The following NUBPL variants were observed in gnomAD, a reference collection of about 807,000 sequenced individuals.
The protein encoded by NUBPL is iron-sulfur cluster transfer protein NUBPL.
In NUBPL, 31 loss-of-function variants were observed where a neutral mutation model predicts 45.7. The observed-to-expected ratio is 0.68, with a 90% CI of 0.51 to 0.92. The LOEUF is 0.92. Ranked by LOEUF, NUBPL falls within the 40% of genes least tolerant of loss-of-function variation. NUBPL has a pLI of 0.00. For synonymous variants in NUBPL, 144 were observed against 140.9 expected (o/e 1.02, Z -0.15); for missense variants, 401 against 398.7 (o/e 1.01, Z -0.05).
At chr14:31,790,630 T>C (rs886201317) in intron 7 of NUBPL, among the ~76,000 whole-genome samples, 4 of 151,908 alleles carry the variant, frequency 2.6e-5, no homozygotes, top group African/African-American at 9.7e-5. Flanking sequence ...GGCAGGCAGA[T>C]CACGAGGTCA....
At chr14:31,715,286 C>T (rs2037662402) in intron 6 of NUBPL, among the ~76,000 whole-genome samples, 1 of 152,094 alleles carries the variant, frequency 6.6e-6, no homozygotes, top group Non-Finnish European at 1.5e-5. Flanking sequence ...AATATCAGTC[C>T]TTAACATGGG....
chr14:31,662,566 C>T (rs372102796), intron 4 of NUBPL, among the ~76,000 whole-genome samples: 181 of 152,154 alleles, frequency 1.2e-3, no homozygotes, highest in African/African-American at 3.2e-3. Context: ...TGAGAACATG[C>T]GGTGTTTGGT....
chr14:31,755,755 A>G (rs578079702), intron 6 of NUBPL, among the ~76,000 whole-genome samples: 7 of 151,888 alleles, frequency 4.6e-5, no homozygotes, highest in Admixed American at 2.0e-4. Context: ...TCGGTGTTTT[A>G]GACATGAAGT....
intron 3 of NUBPL, among the ~76,000 whole-genome samples, chr14:31,566,971 CTT>C (rs2033452309): frequency 6.6e-6 from 1 of 152,124 alleles, no homozygotes; most frequent in South Asian, 2.1e-4. Context: ...ATTGAGATCT[CTT>C]TGGACTTCTG....
At chr14:31,771,759 A>G (rs2039013565) in intron 6 of NUBPL, 1 of 367,466 alleles carries the variant, frequency 2.7e-6, no homozygotes, top group African/African-American at 2.2e-5. Context: ...GCTCTCAATA[A>G]CTATTAATTT....
intron 3 of NUBPL, among the ~76,000 whole-genome samples, chr14:31,565,575 A>G (rs140208123): frequency 3.9e-5 from 6 of 152,274 alleles, no homozygotes; most frequent in African/African-American, 1.2e-4. Flanking sequence ...GTGTGCATAC[A>G]TCTTTCCATG....
intron 6 of NUBPL, among the ~76,000 whole-genome samples, chr14:31,776,977 A>G (rs994386569): frequency 6.6e-6 from 1 of 152,226 alleles, no homozygotes; most frequent in African/African-American, 2.4e-5. Flanking sequence ...CTCAGATTTT[A>G]TAGCAAAAGT....
chr14:31,580,407 C>T (rs942264034), intron 3 of NUBPL, among the ~76,000 whole-genome samples: 1 of 152,136 alleles, frequency 6.6e-6, no homozygotes, highest in African/African-American at 2.4e-5. Context: ...AGAATTACTT[C>T]AGGCCTGGAC....
chr14:31,719,863 A>G (rs901124774), intron 6 of NUBPL, among the ~76,000 whole-genome samples: 2 of 152,148 alleles, frequency 1.3e-5, no homozygotes, highest in African/African-American at 4.8e-5. Flanking sequence ...GCTGCTTTTT[A>G]GCCAACTTAC....
At chr14:31,584,110 G>C (rs1171122658) in intron 3 of NUBPL, among the ~76,000 whole-genome samples, 3 of 151,778 alleles carry the variant, frequency 2.0e-5, no homozygotes, top group South Asian at 4.1e-4. Flanking sequence ...TTTGATTAAG[G>C]CTTGCTAATT....
intron 7 of NUBPL, among the ~76,000 whole-genome samples, chr14:31,812,180 C>T (rs564885968): frequency 8.5e-4 from 130 of 152,314 alleles, no homozygotes; most frequent in African/African-American, 3.0e-3. Context: ...TCAGAGCTGT[C>T]AGACAGGGAC....
chr14:31,684,993 GA>G (rs1055512774), intron 6 of NUBPL, among the ~76,000 whole-genome samples: 3 of 152,204 alleles, frequency 2.0e-5, no homozygotes, highest in African/African-American at 7.2e-5. Context: ...CAAAAGGTAG[GA>G]AAAAACTAAG....
At position 31,821,492 on chromosome 14, in the gene NUBPL, A is replaced by T. The variant is rs149383538; in HGVS notation, c.608-5137A>T. Among the ~76,000 whole-genome samples, 810 of 152,366 alleles carry T rather than the reference A, an allele frequency of 5.3e-3. 10 individuals carry two copies. Among genetic ancestry groups the T allele is most frequent in the East Asian group, 0.047 (242 of 5,186 alleles). ...CAAATCAAAACTACAAAGAGATATC[A>T]TCTCACCCCAGTTAAAATGGCTTAT... On this transcript the variant is annotated intron_variant, in intron 7 of 10. Transcript: ENST00000281081.
chr14:31,703,896 T>G (rs1243627479), intron 6 of NUBPL, among the ~76,000 whole-genome samples: 2 of 151,264 alleles, frequency 1.3e-5, no homozygotes, highest in Non-Finnish European at 3.0e-5. Context: ...CAGGAGATTG[T>G]CTCTGCCTGG....
intron 6 of NUBPL, among the ~76,000 whole-genome samples, chr14:31,715,822 T>C (rs1005170345): frequency 6.6e-6 from 1 of 152,156 alleles, no homozygotes; most frequent in Non-Finnish European, 1.5e-5. Flanking sequence ...ATTTTCTTTC[T>C]CTCAATTATA....
chr14:31,744,089 T>A (rs1320523022), intron 6 of NUBPL, among the ~76,000 whole-genome samples: 1 of 152,068 alleles, frequency 6.6e-6, no homozygotes, highest in African/African-American at 2.4e-5. Context: ...AAAAGAGATA[T>A]AAGGACAGCT....
At chr14:31,608,469 A>G (rs939020125) in intron 4 of NUBPL, among the ~76,000 whole-genome samples, 2 of 151,984 alleles carry the variant, frequency 1.3e-5, no homozygotes, top group African/African-American at 4.8e-5. Context: ...CAGGAGACTC[A>G]CTTGAACCCA....
intron 6 of NUBPL, among the ~76,000 whole-genome samples, chr14:31,780,089 G>A (rs1251134536): frequency 2.0e-5 from 3 of 151,614 alleles, no homozygotes; most frequent in Non-Finnish European, 4.4e-5. Context: ...CTGAGACGGG[G>A]TCTTGCTGTC....
At chr14:31,681,991 C>T (rs1056811740) in intron 6 of NUBPL, among the ~76,000 whole-genome samples, 9 of 152,068 alleles carry the variant, frequency 5.9e-5, no homozygotes, top group Non-Finnish European at 1.3e-4. Context: ...GCTTTTGGAA[C>T]GACTGCATTT....
Sources: allele counts gnomAD v4.1 joint callset (sites outside exome capture counted in the v4.1 genomes callset), GRCh38; gene constraint gnomAD v4.1.1; transcripts MANE v1.5; gene names NCBI Gene and HGNC (gene_info 2026-07-23, HGNC 2026-07-21).